SGK1: variants seen among roughly 807,000 people sequenced by gnomAD.
SGK1 encodes the protein serine/threonine-protein kinase Sgk1.
Under a neutral mutation model 64.2 loss-of-function variants are expected in SGK1, and 26 were observed. The observed-to-expected ratio is 0.40, with a 90% CI of 0.30 to 0.56. The LOEUF (loss-of-function observed/expected upper bound fraction) is 0.56. Ranked by LOEUF, SGK1 falls within the 20% of genes least tolerant of loss-of-function variation. The probability of loss-of-function intolerance (pLI) is 0.38; values close to 1 mark genes in which losing one functional copy is unlikely to be tolerated. For synonymous variants in SGK1, 265 were observed against 239.7 expected, an observed-to-expected ratio of 1.11 and a Z score of -0.98; for missense variants, 519 against 645.6, an observed-to-expected ratio of 0.80 and a Z score of 2.12.
chr6:134,193,792 A>AGG (rs1458737492), intron 3 of SGK1, among the ~76,000 whole-genome samples: 2 of 10,712 alleles, frequency 1.9e-4, no homozygotes, highest in African/African-American at 2.5e-4. Flanking sequence ...AGGGGAGGGG[A>AGG]GAAGGGAGGA....
Position 134,268,595 on chromosome 6 carries a change from T to C in SGK1, c.70-6447A>G, listed in dbSNP as rs75920356. ...AAAAATTGCCGGGCGTAGTGGAGGG[T>C]GCCTGTAGTCCCAGCTACTCGGGAG... On this transcript the variant is annotated intron_variant, in intron 1 of 13. Transcript: ENST00000367858. Among the ~76,000 whole-genome samples, 551 of 137,812 alleles carry C rather than the reference T, an allele frequency of 4.0e-3. 19 individuals are homozygous for C. The highest frequency in any genetic ancestry group is 0.012 in the African/African-American group (461 of 39,826). 90.4% of individuals were successfully genotyped at this position (137,812 alleles called of 152,430 possible).
chr6:134,194,251 A>G (rs990096793), intron 3 of SGK1, among the ~76,000 whole-genome samples: 1 of 152,104 alleles, frequency 6.6e-6, no homozygotes, highest in Admixed American at 6.6e-5. Flanking sequence ...AGCCAATCAC[A>G]GCAACCAAAC....
Position 134,262,095 on chromosome 6 carries a change from G to A in SGK1, c.123C>T (p.Pro41=). Residue 41 remains proline, a synonymous_variant, in exon 2 of 14, where the codon CCC becomes CCT. Coordinates refer to ENST00000367858, the MANE Select transcript of SGK1 (RefSeq NM_001143676.3). The part of the protein sequence containing the change: ...PMVSVDKHQS[P]SLKYTGSSMV... ...TGGAGGAGCCGGTGTACTTCAGGCT[G>A]GGACTCTGATGCTTGTCCACACTGA... The A allele has an allele frequency of 2.5e-6, 4 of 1,612,398 alleles. No homozygotes were observed. Among genetic ancestry groups the A allele is most frequent in the Non-Finnish European group, 3.4e-6 (4 of 1,178,554 alleles).
intron 3 of SGK1, among the ~76,000 whole-genome samples, chr6:134,183,703 C>T (rs931998978): frequency 1.3e-5 from 2 of 152,126 alleles, no homozygotes; most frequent in Middle Eastern, 6.8e-3. Context: ...AAGTCTTCTG[C>T]AGCTCTGATT....
rs1582766807 is a variant in SGK1 at position 134,290,355 on chromosome 6, GAAA to G, written c.69+27034_69+27036del. Among the ~76,000 whole-genome samples the G allele has an allele frequency of 6.4e-5, 8 of 124,084 alleles. No individual in the cohort carries two copies. The East Asian group carries it at 2.4e-3, about 38-fold the overall frequency. The allele number at this position is 124,084 out of a possible 152,430, so 81.4% of individuals were successfully genotyped here. ...AAAAAGAAAAGAAAAGAAAAGAAAA[GAAA>G]AAGACTTGTTGGAGCCTACTCCCAC... On this transcript the variant is annotated intron_variant, in intron 1 of 13. Coordinates refer to ENST00000367858, the MANE Select transcript of SGK1 (RefSeq NM_001143676.3).
intron 2 of SGK1, among the ~76,000 whole-genome samples, chr6:134,258,038 A>C (rs1776710410): frequency 6.6e-6 from 1 of 152,282 alleles, no homozygotes; most frequent in Admixed American, 6.5e-5. Context: ...CTAAAAGGAC[A>C]GAGTTGCCTT....
chr6:134,291,187 C>T (rs1777258446), intron 1 of SGK1, among the ~76,000 whole-genome samples: 1 of 152,106 alleles, frequency 6.6e-6, no homozygotes, highest in Admixed American at 6.6e-5. Flanking sequence ...CAGTGAAGCG[C>T]CCTGTTAGGA....
intron 1 of SGK1, among the ~76,000 whole-genome samples, chr6:134,309,413 C>T (rs537669135): frequency 5.3e-5 from 8 of 152,322 alleles, no homozygotes; most frequent in Admixed American, 5.2e-4. Context: ...TCCACTTTCC[C>T]ACATGGTCTT....
intron 1 of SGK1, among the ~76,000 whole-genome samples, chr6:134,290,975 G>A (rs1407722846): frequency 9.9e-5 from 15 of 152,184 alleles, no homozygotes; most frequent in Admixed American, 9.8e-4. Context: ...TGAGAGGCAG[G>A]TAGGGAAGAA....
chr6:134,189,803 C>T (rs1376803405), intron 3 of SGK1, among the ~76,000 whole-genome samples: 1 of 152,010 alleles, frequency 6.6e-6, no homozygotes, highest in African/African-American at 2.4e-5. Flanking sequence ...CAGAAGTATT[C>T]CCTTTTCTCT....
At position 134,173,349 on chromosome 6, in the gene SGK1, T is replaced by C. The variant is rs759417788; in HGVS notation, c.627A>G (p.Leu209=). The C allele has an allele frequency of 1.2e-6, 2 of 1,611,862 alleles. No individual in the cohort carries two copies. The highest frequency in any genetic ancestry group is 1.7e-6 in the Non-Finnish European group (2 of 1,178,342). ...ACACTTCTTCTGCCTTGTGTCTTGC[T>C]AGAAGAACCTGAAATTTCAATTTAA... ...IGKGSFGKVL[L]ARHKAEEVFY... Residue 209 remains leucine (L), a synonymous_variant, in exon 7 of 14, where the codon CTA becomes CTG. Coordinates refer to ENST00000367858, the MANE Select transcript of SGK1 (RefSeq NM_001143676.3).
intron 1 of SGK1, among the ~76,000 whole-genome samples, chr6:134,303,325 G>A (rs1045514580): frequency 6.6e-6 from 1 of 151,980 alleles, no homozygotes; most frequent in Non-Finnish European, 1.5e-5. Flanking sequence ...CTGGGAGGCG[G>A]AGCTTGCAGT....
chr6:134,173,677 C>T, intron 5 of SGK1, 111 bp from the exon 6 acceptor site: 1 of 719,902 alleles, frequency 1.4e-6, no homozygotes, highest in Admixed American at 3.0e-5. Context: ...TGCAAATGAC[C>T]ATACATCTAT....
chr6:134,273,456 A>G (rs909341633), intron 1 of SGK1, among the ~76,000 whole-genome samples: 1 of 148,718 alleles, frequency 6.7e-6, no homozygotes, highest in Non-Finnish European at 1.5e-5. Context: ...AGCCGGGCGT[A>G]GTGGTGGGCG....
intron 2 of SGK1, among the ~76,000 whole-genome samples, chr6:134,237,058 C>T (rs994199434): frequency 7.2e-5 from 10 of 138,376 alleles, no homozygotes; most frequent in Non-Finnish European, 7.7e-5. Flanking sequence ...TTTTCTTTTT[C>T]TTTTTTTTTT....
chr6:134,256,610 G>A (rs184626036), intron 2 of SGK1, among the ~76,000 whole-genome samples: 50 of 152,192 alleles, frequency 3.3e-4, no homozygotes, highest in African/African-American at 1.2e-3. Context: ...TACACCTCTC[G>A]AAAAACTACT....
intron 2 of SGK1, among the ~76,000 whole-genome samples, chr6:134,227,692 C>A (rs1291292640): frequency 6.6e-6 from 1 of 152,104 alleles, no homozygotes; most frequent in Non-Finnish European, 1.5e-5. Context: ...TGTCACCATC[C>A]CCATTTTACA....
intron 3 of SGK1, chr6:134,175,998 C>CTT: frequency 4.9e-5 from 47 of 968,282 alleles, no homozygotes; most frequent in Non-Finnish European, 5.4e-5. Context: ...CTGCATTTCA[C>CTT]TTTTTTTTTT....
At chr6:134,211,175 C>T (rs1775883748) in intron 2 of SGK1, among the ~76,000 whole-genome samples, 1 of 151,850 alleles carries the variant, frequency 6.6e-6, no homozygotes. Flanking sequence ...GTGTTCTTTC[C>T]ACAATAACAC....
Sources: gnomAD v4.1 joint callset for allele counts (sites outside exome capture counted in the v4.1 genomes callset) on GRCh38, gnomAD v4.1.1 for gene constraint, MANE v1.5 for transcripts, NCBI Gene and HGNC (gene_info 2026-07-23, HGNC 2026-07-21) for gene names.